UBE2D4: variants seen among roughly 807,000 people sequenced by gnomAD.
UBE2D4 encodes the protein ubiquitin-conjugating enzyme E2 D4.
In UBE2D4, 17 loss-of-function variants were observed where a neutral mutation model predicts 23.0. The observed-to-expected ratio is 0.74, with a 90% CI of 0.51 to 1.11. The LOEUF (loss-of-function observed/expected upper bound fraction) is 1.11, where lower values mean the gene tolerates loss of function less well. UBE2D4 is among the 50% of genes least tolerant of loss of function. The pLI, the probability that UBE2D4 is intolerant of heterozygous loss-of-function variation, is 0.00. For synonymous variants in UBE2D4, 61 were observed against 69.4 expected (o/e 0.88, Z 0.60); for missense variants, 139 against 181.8 (o/e 0.76, Z 1.35).
intron 4 of UBE2D4, chr7:43,943,753 G>C (rs967225946): frequency 1.0e-4 from 16 of 153,122 alleles, no homozygotes; most frequent in African/African-American, 3.6e-4. Flanking sequence ...AGCATGTCTT[G>C]TGCACCGCAG....
intron 6 of UBE2D4, 195 bp from the exon 7 acceptor site, chr7:43,952,455 C>T (rs1308244373): frequency 1.8e-6 from 1 of 561,938 alleles, no homozygotes; most frequent in Non-Finnish European, 3.2e-6. Flanking sequence ...AGGGGTTCAC[C>T]CAGCTGGGGG....
At chr7:43,938,358 A>G in intron 1 of UBE2D4, 73 bp from the exon 2 acceptor site, 1 of 1,471,602 alleles carries the variant, frequency 6.8e-7, no homozygotes, top group Non-Finnish European at 9.5e-7. Context: ...AATTCCTTCC[A>G]GCTACCAAGA....
In UBE2D4 at chr7:43,954,522, C is replaced by T. The variant is rs1409912965; in HGVS notation, c.*1827C>T. The T allele has an allele frequency of 6.6e-6, 1 of 152,212 alleles. No homozygotes were observed. The highest frequency in any genetic ancestry group is 1.5e-5 in the Non-Finnish European group (1 of 68,066). The allele number at this position is 152,212 out of a possible 1,614,324, so 9.4% of individuals were successfully genotyped here. On this transcript the variant is annotated 3_prime_UTR_variant, in exon 7 of 7. Coordinates refer to ENST00000222402, the MANE Select transcript of UBE2D4 (RefSeq NM_015983.4). ...GCCTCAAGTGACCCGCCCACATTGG[C>T]CTCCCAAAGTGCTGGGATTACAGGC...
At chr7:43,936,612 C>A (rs1299417094) in intron 1 of UBE2D4, among the ~76,000 whole-genome samples, 2 of 152,198 alleles carry the variant, frequency 1.3e-5, no homozygotes, top group Admixed American at 6.5e-5. Flanking sequence ...CCTGGGTGGG[C>A]AACCAGTGTC....
rs145492914 is a variant in UBE2D4 at position 43,939,802 on chromosome 7, A to G, written c.88+1308A>G. ...ATGATTCCACTTACATGAAATATCT[A>G]GACTAGGCAAATTCATAGAGACAGA... On this transcript the variant is annotated intron_variant, in intron 2 of 6. Transcript: ENST00000222402. Among the ~76,000 whole-genome samples the G allele has an allele frequency of 2.6e-5, 4 of 152,366 alleles. No individual in the cohort carries two copies. In the East Asian group the frequency reaches 7.7e-4, roughly 29 times the overall value.
rs190677476 is a variant in UBE2D4 at position 43,948,835 on chromosome 7, T to C, written c.304+98T>C. On this transcript the variant is annotated intron_variant, in intron 5 of 6. Coordinates refer to ENST00000222402, the MANE Select transcript of UBE2D4 (RefSeq NM_015983.4). ...TGGAAGCTCAGAGAAAGAAGTCACC[T>C]TTCCCAGGTCACATAGCCCTGTCCA... The C allele has an allele frequency of 1.8e-5, 17 of 948,742 alleles. No homozygotes were observed. The Admixed American group carries it at 3.3e-4, about 18-fold the overall frequency. 58.8% of individuals were successfully genotyped at this position (948,742 alleles called of 1,614,324 possible).
intron 1 of UBE2D4, among the ~76,000 whole-genome samples, chr7:43,927,335 G>T (rs1177839652): frequency 1.5e-5 from 2 of 133,988 alleles, no homozygotes; most frequent in African/African-American, 5.7e-5. Context: ...TTGCTCTGTC[G>T]CCCAGGCTGG....
At chr7:43,936,072 C>T (rs2095957653) in intron 1 of UBE2D4, among the ~76,000 whole-genome samples, 1 of 152,188 alleles carries the variant, frequency 6.6e-6, no homozygotes, top group Non-Finnish European at 1.5e-5. Context: ...AGGGTTTCAC[C>T]ATGTTGGCCA....
intron 1 of UBE2D4, among the ~76,000 whole-genome samples, chr7:43,926,877 G>A (rs1303930376): frequency 6.6e-6 from 1 of 152,226 alleles, no homozygotes. Context: ...GTATCCAGAA[G>A]GGTATCCAGG....
chr7:43,952,241 GTAGGCAGATT>G, intron 6 of UBE2D4: 1 of 205,846 alleles, frequency 4.9e-6, no homozygotes. Flanking sequence ...GCACACCCCG[GTAGGCAGATT>G]CCCAAGCCCT....
At chr7:43,937,994 C>A (rs1403758951) in intron 1 of UBE2D4, among the ~76,000 whole-genome samples, 1 of 152,062 alleles carries the variant, frequency 6.6e-6, no homozygotes, top group Non-Finnish European at 1.5e-5. Context: ...TGCATTAATT[C>A]ATTAGCCTAG....
At chr7:43,942,919 A>G (rs375100007) in intron 3 of UBE2D4, 35 bp from the exon 4 acceptor site, 3 of 1,613,986 alleles carry the variant, frequency 1.9e-6, no homozygotes, top group African/African-American at 2.7e-5. Flanking sequence ...GGCTTAGCAC[A>G]TGCACTGATC....
chr7:43,943,480 T>A, intron 4 of UBE2D4: 1 of 217,576 alleles, frequency 4.6e-6, no homozygotes, highest in Non-Finnish European at 9.2e-6. Flanking sequence ...AAGGCCAGGG[T>A]ATTCCAGGGA....
At chr7:43,952,622 T>G in intron 6 of UBE2D4, 28 bp from the exon 7 acceptor site, 2 of 1,603,850 alleles carry the variant, frequency 1.2e-6, no homozygotes, top group Non-Finnish European at 1.7e-6. Context: ...CAAGTGAGGG[T>G]GTCACTTCCT....
chr7:43,933,013 T>TATATATATATATATATAA (rs1340458201), intron 1 of UBE2D4, among the ~76,000 whole-genome samples: 1 of 116,648 alleles, frequency 8.6e-6, no homozygotes, highest in Non-Finnish European at 1.7e-5. Context: ...TATATATATA[T>TATATATATATATATATAA]ACACACACAT....
chr7:43,948,746 G>A lies in UBE2D4; in HGVS notation c.304+9G>A, dbSNP rs751737415. 6.3e-7 allele frequency: 1 copy of A among 1,586,570 alleles called. No homozygotes were observed. Among genetic ancestry groups the A allele is most frequent in the Non-Finnish European group, 8.7e-7 (1 of 1,155,402 alleles). Reference sequence around the variant, plus strand: ...GTTGACTGTGTCAAAAGGTAGAGATGCTGATGGCATGCTCTGTGTGCTCTT... The same window carrying A: ...GTTGACTGTGTCAAAAGGTAGAGATACTGATGGCATGCTCTGTGTGCTCTT... On this transcript the variant is annotated intron_variant, in intron 5 of 6. Coordinates refer to ENST00000222402, the MANE Select transcript of UBE2D4 (RefSeq NM_015983.4).
At chr7:43,936,065 G>T (rs1382125860) in intron 1 of UBE2D4, among the ~76,000 whole-genome samples, 1 of 152,146 alleles carries the variant, frequency 6.6e-6, no homozygotes, top group Non-Finnish European at 1.5e-5. Flanking sequence ...TAGAGACAGG[G>T]TTTCACCATG....
intron 4 of UBE2D4, among the ~76,000 whole-genome samples, chr7:43,945,273 G>A (rs1412648535): frequency 7.2e-5 from 11 of 152,288 alleles, no homozygotes; most frequent in East Asian, 3.9e-4. Context: ...GATTACAGGC[G>A]TGAGCCACCG....
intron 2 of UBE2D4, chr7:43,942,419 C>T (rs1199978332): frequency 1.2e-5 from 4 of 336,274 alleles, no homozygotes; most frequent in Non-Finnish European, 2.3e-5. Context: ...GTCAGTCATG[C>T]TCTCAGGGTG....
Sources: gnomAD v4.1 joint callset for allele counts (sites outside exome capture counted in the v4.1 genomes callset) on GRCh38, gnomAD v4.1.1 for gene constraint, MANE v1.5 for transcripts, NCBI Gene and HGNC (gene_info 2026-07-23, HGNC 2026-07-21) for gene names.